LGR6: variants seen among roughly 807,000 people sequenced by gnomAD.
LGR6 encodes the protein leucine rich repeat containing G protein-coupled receptor 6, also known as leucine-rich repeat-containing G protein-coupled receptor 6.
LGR6 carries 45 observed loss-of-function variants against 69.4 expected under a neutral mutation model. The ratio of observed to expected loss-of-function variants is 0.65; its 90% CI spans 0.51 to 0.83. LGR6 has a LOEUF of 0.83. Among genes scored for constraint, LGR6 ranks in the 40% least tolerant of loss-of-function variants. The probability of loss-of-function intolerance (pLI) is 0.00; values close to 1 mark genes in which losing one functional copy is unlikely to be tolerated. For missense variants in LGR6, 1,108 were observed against 1,246.7 expected (o/e 0.89, Z 1.68); for synonymous variants, 538 against 555.0 (o/e 0.97, Z 0.43).
In LGR6 at chr1:202,218,326, T is replaced by C. The variant is rs6691800; in HGVS notation, c.213-7097T>C. 8.1e-3 allele frequency among the ~76,000 whole-genome samples: 1,234 copies of C among 152,258 alleles called. 15 individuals are homozygous for C. The highest frequency in any genetic ancestry group is 0.028 in the African/African-American group (1,166 of 41,532). On this transcript the variant is annotated intron_variant, in intron 1 of 17. Transcript: ENST00000367278. Reference sequence around the variant, plus strand: ...TAAAATTTTCTTTTAAGAGAGAAAGTCTCAGTCTGTTGTCCAGCCTGGAGT... The same window carrying C: ...TAAAATTTTCTTTTAAGAGAGAAAGCCTCAGTCTGTTGTCCAGCCTGGAGT...
intron 1 of LGR6, among the ~76,000 whole-genome samples, chr1:202,205,988 A>ACC (rs1553238593): frequency 0.011 from 1,615 of 149,540 alleles, 21 homozygotes; most frequent in African/African-American, 0.028. Flanking sequence ...ACACACACAC[A>ACC]CCCCTAGTAT....
chr1:202,274,576 G>A (rs1665383202), intron 4 of LGR6, among the ~76,000 whole-genome samples: 1 of 152,200 alleles, frequency 6.6e-6, no homozygotes, highest in African/African-American at 2.4e-5. Context: ...TTAACGTGCT[G>A]ATGAATCAAT....
chr1:202,245,970 C>G (rs568147257), intron 4 of LGR6, among the ~76,000 whole-genome samples: 1 of 150,732 alleles, frequency 6.6e-6, no homozygotes, highest in Admixed American at 6.6e-5. Flanking sequence ...ATCCATCCCT[C>G]CCTCCCTTCA....
At chr1:202,277,586 G>A (rs562956786) in intron 5 of LGR6, among the ~76,000 whole-genome samples, 1 of 152,116 alleles carries the variant, frequency 6.6e-6, no homozygotes, top group South Asian at 2.1e-4. Context: ...GGAGAAATAA[G>A]AACTTCATGG....
rs1653278673 is a variant in LGR6, at chr1:202,307,016, C to G, written c.1208+77C>G. ...GCTAGGCATGCTCATTGTCATAGCA[C>G]ATGTGTACAATTTAAGCAAATGTGA... On this transcript the variant is annotated intron_variant, in intron 13 of 17. Coordinates refer to ENST00000367278, the MANE Select transcript of LGR6 (RefSeq NM_001017403.2). 7 of 1,274,696 alleles carry G rather than the reference C, an allele frequency of 5.5e-6. No individual in the cohort carries two copies. In the Admixed American group the frequency reaches 8.5e-5, roughly 16 times the overall value. The allele number at this position is 1,274,696 out of a possible 1,614,324, so 79.0% of individuals were successfully genotyped here. A position where few individuals can be genotyped will look rare whatever the true frequency, so the allele number is the denominator to read the frequency against.
Position 202,227,929 on chromosome 1 carries a change from T to C in LGR6, c.285-7T>C. 1 of 1,612,166 alleles carries C rather than the reference T, an allele frequency of 6.2e-7. No homozygotes were observed. The highest frequency in any genetic ancestry group is 8.5e-7 in the Non-Finnish European group (1 of 1,178,186). Reference sequence around the variant, plus strand: ...CAACATCGCTGACCCTTGTCTCTGATTTCCAGGCGTCTCTCTGGGAACCAT... The same window carrying C: ...CAACATCGCTGACCCTTGTCTCTGACTTCCAGGCGTCTCTCTGGGAACCAT... On this transcript the variant is annotated splice_polypyrimidine_tract_variant and splice_region_variant and intron_variant, in intron 2 of 17. Coordinates refer to ENST00000367278, the MANE Select transcript of LGR6 (RefSeq NM_001017403.2).
intron 4 of LGR6, among the ~76,000 whole-genome samples, chr1:202,262,647 T>G (rs542766401): frequency 6.6e-6 from 1 of 152,330 alleles, no homozygotes; most frequent in African/African-American, 2.4e-5. Flanking sequence ...TCACTCTGGG[T>G]TTAATCCTCT....
intron 15 of LGR6, 79 bp from the exon 16 acceptor site, chr1:202,310,118 G>A: frequency 6.9e-7 from 1 of 1,453,736 alleles, no homozygotes; most frequent in Non-Finnish European, 9.5e-7. Context: ...CCCCTGGGTT[G>A]CAGATCTCTT....
intron 1 of LGR6, among the ~76,000 whole-genome samples, chr1:202,203,165 C>T (rs1294049316): frequency 8.5e-5 from 13 of 152,152 alleles, no homozygotes; most frequent in Non-Finnish European, 1.5e-4. Flanking sequence ...AGGTTTATTC[C>T]AACTCCCTGT....
In LGR6 at chr1:202,319,258, C is replaced by G. The variant is rs190119687; in HGVS notation, c.*51C>G. ...CCTCTCTTCCCTTTCCTCTCTCCCCCTCGGTGAATGATGGCTGCTTCTAAA... is the reference window on the plus strand; with the variant it reads ...CCTCTCTTCCCTTTCCTCTCTCCCCGTCGGTGAATGATGGCTGCTTCTAAA... On this transcript the variant is annotated 3_prime_UTR_variant, in exon 18 of 18. Coordinates refer to ENST00000367278, the MANE Select transcript of LGR6 (RefSeq NM_001017403.2). 8 of 1,491,368 alleles carry G rather than the reference C, an allele frequency of 5.4e-6. No homozygotes were observed. The highest frequency in any genetic ancestry group is 2.4e-4 in the Middle Eastern group (1 of 4,172). The allele number at this position is 1,491,368 out of a possible 1,614,324, so 92.4% of individuals were successfully genotyped here. A position where few individuals can be genotyped will look rare whatever the true frequency, so the allele number is the denominator to read the frequency against.
At position 202,276,339 on chromosome 1, in the gene LGR6, G is replaced by A. The variant is rs201050220; in HGVS notation, c.462G>A (p.Pro154=). 4.3e-5 allele frequency: 69 copies of A among 1,614,080 alleles called. No homozygotes were observed. Among genetic ancestry groups the A allele is most frequent in the East Asian group, 6.7e-5 (3 of 44,876 alleles). Residue 154 remains proline, a synonymous_variant, in exon 5 of 18, where the codon CCG becomes CCA. Transcript: ENST00000367278. Reference sequence around the variant, plus strand: ...ATGCCAACCTCATCTCCCTGGTCCCGGAGAGGAGCTTTGAGGGGCTGTCCT... The same window carrying A: ...ATGCCAACCTCATCTCCCTGGTCCCAGAGAGGAGCTTTGAGGGGCTGTCCT... ...RLDANLISLV[P]ERSFEGLSSL...
intron 3 of LGR6, among the ~76,000 whole-genome samples, chr1:202,234,145 G>A (rs1661322387): frequency 6.6e-6 from 1 of 152,218 alleles, no homozygotes; most frequent in Admixed American, 6.5e-5. Context: ...GCATGGAAAG[G>A]GGCTGAGCCC....
In LGR6 at chr1:202,268,353, C is replaced by T. The variant is rs1248470984; in HGVS notation, c.429-7953C>T. 6.6e-6 allele frequency among the ~76,000 whole-genome samples: 1 copy of T among 152,256 alleles called. No homozygotes were observed. Among genetic ancestry groups the T allele is most frequent in the African/African-American group, 2.4e-5 (1 of 41,468 alleles). ...GCCTGCTCCCTGCTGGAATCCTTGCCTTCCCAGGCAGGCTCTCGGTCAGGG... is the reference window on the plus strand; with the variant it reads ...GCCTGCTCCCTGCTGGAATCCTTGCTTTCCCAGGCAGGCTCTCGGTCAGGG... On this transcript the variant is annotated intron_variant, in intron 4 of 17. Coordinates refer to ENST00000367278, the MANE Select transcript of LGR6 (RefSeq NM_001017403.2). This position sits in a 1 kb window ranked among gnomAD's most constrained non-coding sequence, Gnocchi z 4.4.
chr1:202,202,848 C>G (rs933551191), intron 1 of LGR6, among the ~76,000 whole-genome samples: 1 of 152,212 alleles, frequency 6.6e-6, no homozygotes, highest in African/African-American at 2.4e-5. Flanking sequence ...ATCCTTTCCC[C>G]TTTGCCCTTG....
chr1:202,283,404 T>C (rs1666159901), intron 6 of LGR6, among the ~76,000 whole-genome samples: 1 of 152,214 alleles, frequency 6.6e-6, no homozygotes, highest in African/African-American at 2.4e-5. Flanking sequence ...TAGTCAAACC[T>C]TTTAATTGTT....
At chr1:202,298,593 C>T (rs1667345258) in intron 7 of LGR6, 1 of 150,774 alleles carries the variant, frequency 6.6e-6, no homozygotes, top group South Asian at 2.1e-4. Context: ...ACGATCTCGG[C>T]TCACTGCAAC....
At chr1:202,243,427 A>G (rs1279440588) in intron 4 of LGR6, among the ~76,000 whole-genome samples, 1 of 152,202 alleles carries the variant, frequency 6.6e-6, no homozygotes, top group Non-Finnish European at 1.5e-5. Flanking sequence ...AGAGTCCACA[A>G]GAGAGCTTCT....
At chr1:202,213,172 C>T (rs1659527723) in intron 1 of LGR6, among the ~76,000 whole-genome samples, 1 of 152,144 alleles carries the variant, frequency 6.6e-6, no homozygotes, top group Non-Finnish European at 1.5e-5. Flanking sequence ...GTCACCTTTC[C>T]AGCAGTGTCT....
chr1:202,273,456 T>TCTTTG (rs1665273574), intron 4 of LGR6, among the ~76,000 whole-genome samples: 1 of 151,788 alleles, frequency 6.6e-6, no homozygotes. Flanking sequence ...GACCTGTTTT[T>TCTTTG]TTTTGTTTTT....
Sources: gnomAD v4.1 joint callset for allele counts (sites outside exome capture counted in the v4.1 genomes callset) on GRCh38, gnomAD v4.1.1 for gene constraint, Gnocchi (gnomAD v3.1) non-coding constraint, MANE v1.5 for transcripts, NCBI Gene and HGNC (gene_info 2026-07-23, HGNC 2026-07-21) for gene names.